The following MGAT4C variants were observed in gnomAD, a reference collection of about 807,000 sequenced individuals.
The protein encoded by MGAT4C is alpha-1,3-mannosyl-glycoprotein 4-beta-N-acetylglucosaminyltransferase C.
MGAT4C carries 19 observed loss-of-function variants against 40.1 expected under a neutral mutation model. The observed-to-expected ratio is 0.47, with a 90% confidence interval of 0.33 to 0.70. The LOEUF (loss-of-function observed/expected upper bound fraction) is 0.70. Among genes scored for constraint, MGAT4C ranks in the 30% least tolerant of loss-of-function variants. MGAT4C has a pLI of 0.02. For synonymous variants in MGAT4C, 181 were observed against 187.1 expected, an observed-to-expected ratio of 0.97 and a Z score of 0.27; for missense variants, 491 against 563.2, an observed-to-expected ratio of 0.87 and a Z score of 1.30.
chr12:86,174,034 A>G (rs1887130060), intron 1 of MGAT4C, among the ~76,000 whole-genome samples: 1 of 151,820 alleles, frequency 6.6e-6, no homozygotes, highest in African/African-American at 2.4e-5. Context: ...GTAGCACAGT[A>G]TTTAGTAAAT....
intron 4 of MGAT4C, among the ~76,000 whole-genome samples, chr12:86,331,262 T>C (rs1954661710): frequency 6.6e-6 from 1 of 152,182 alleles, no homozygotes; most frequent in Non-Finnish European, 1.5e-5. Context: ...CCCTTGATTC[T>C]TCCCTTGGGG....
At chr12:86,485,580 A>G (rs1958006740) in intron 2 of MGAT4C, among the ~76,000 whole-genome samples, 1 of 152,198 alleles carries the variant, frequency 6.6e-6, no homozygotes, top group Admixed American at 6.5e-5. Flanking sequence ...ATATGGGACT[A>G]TGTAAAGAAA....
intron 2 of MGAT4C, among the ~76,000 whole-genome samples, chr12:86,587,406 T>C (rs1961099779): frequency 6.6e-6 from 1 of 152,170 alleles, no homozygotes; most frequent in African/African-American, 2.4e-5. Flanking sequence ...AGCTTTGTTC[T>C]TTTGGCTTAG....
chr12:86,294,059 G>A (rs1953598438), intron 4 of MGAT4C, among the ~76,000 whole-genome samples: 1 of 151,822 alleles, frequency 6.6e-6, no homozygotes, highest in Non-Finnish European at 1.5e-5. Flanking sequence ...TGCACACAAA[G>A]ATCATGACAA....
chr12:86,075,736 G>T (rs947380384), intron 1 of MGAT4C, among the ~76,000 whole-genome samples: 1 of 152,200 alleles, frequency 6.6e-6, no homozygotes, highest in Non-Finnish European at 1.5e-5. Context: ...AGCACCACGT[G>T]CAGGCTTGGG....
intron 1 of MGAT4C, among the ~76,000 whole-genome samples, chr12:86,774,208 C>A (rs1261554259): frequency 6.6e-6 from 1 of 151,928 alleles, no homozygotes; most frequent in Admixed American, 6.6e-5. Flanking sequence ...TCCACCTGGC[C>A]TCCTAAAGTG....
intron 1 of MGAT4C, among the ~76,000 whole-genome samples, chr12:86,077,544 T>G (rs778803122): frequency 6.6e-6 from 1 of 152,220 alleles, no homozygotes; most frequent in Non-Finnish European, 1.5e-5. Context: ...TGCTCCTCAC[T>G]TCTGCAGCTG....
At chr12:86,774,323 C>CTTTCTTTCTTTCTTTCTTTCTTTCTTTCT (rs1192479432) in intron 1 of MGAT4C, among the ~76,000 whole-genome samples, 11 of 97,146 alleles carry the variant, frequency 1.1e-4, no homozygotes, top group East Asian at 3.3e-4. Flanking sequence ...TTCTTTCTTT[C>CTTTCTTTCTTTCTTTCTTTCTTTCTTTCT]TTTCTTTCTT....
intron 4 of MGAT4C, among the ~76,000 whole-genome samples, chr12:86,321,750 T>C (rs1389204049): frequency 1.3e-5 from 2 of 152,134 alleles, no homozygotes; most frequent in Middle Eastern, 3.4e-3. Context: ...TGTGGAGAAA[T>C]AGGAACACTT....
intron 1 of MGAT4C, among the ~76,000 whole-genome samples, chr12:86,119,065 G>C (rs888335558): frequency 3.3e-5 from 5 of 152,058 alleles, no homozygotes; most frequent in East Asian, 1.9e-4. Flanking sequence ...GAACTCAAGA[G>C]AGCCTAATTT....
chr12:86,040,968 C>T (rs376044779), intron 2 of MGAT4C, among the ~76,000 whole-genome samples: 4 of 152,048 alleles, frequency 2.6e-5, no homozygotes, highest in African/African-American at 4.8e-5. Context: ...CCAGGTGAGG[C>T]GACGCCCCAC....
chr12:86,774,315 C>CTTTCTTTCTTTCTTTCTCTTTCTT (rs1951700308), intron 1 of MGAT4C, among the ~76,000 whole-genome samples: 1 of 59,328 alleles, frequency 1.7e-5, no homozygotes, highest in South Asian at 7.0e-4. Context: ...TTCTTTCTTT[C>CTTTCTTTCTTTCTTTCTCTTTCTT]TTTCTTTCTT....
chr12:86,205,588 G>A (rs1950219448), intron 1 of MGAT4C, among the ~76,000 whole-genome samples: 1 of 151,516 alleles, frequency 6.6e-6, no homozygotes, highest in Non-Finnish European at 1.5e-5. Context: ...AAATATTATA[G>A]CTATTAGTAT....
intron 1 of MGAT4C, among the ~76,000 whole-genome samples, chr12:86,066,949 A>C (rs1894601737): frequency 6.6e-6 from 1 of 152,234 alleles, no homozygotes; most frequent in South Asian, 2.1e-4. Flanking sequence ...CTAAAAATAA[A>C]GGAAAAAAAG....
intron 2 of MGAT4C, among the ~76,000 whole-genome samples, chr12:86,689,946 G>C (rs1387353279): frequency 6.6e-6 from 1 of 152,194 alleles, no homozygotes; most frequent in Non-Finnish European, 1.5e-5. Flanking sequence ...TCTGTCCCAG[G>C]GGGATGGGAG....
intron 2 of MGAT4C, among the ~76,000 whole-genome samples, chr12:86,569,144 A>G (rs1441010128): frequency 5.3e-5 from 8 of 152,080 alleles, no homozygotes; most frequent in Admixed American, 4.6e-4. Flanking sequence ...TATGACTAAG[A>G]CATCAGATTC....
intron 2 of MGAT4C, among the ~76,000 whole-genome samples, chr12:86,019,781 C>G (rs1277488402): frequency 6.6e-6 from 1 of 152,192 alleles, no homozygotes; most frequent in East Asian, 1.9e-4. Flanking sequence ...TTACCTTGGG[C>G]AGTATGGCCA....
intron 1 of MGAT4C, among the ~76,000 whole-genome samples, chr12:86,146,537 T>G (rs1008958517): frequency 6.6e-6 from 1 of 152,112 alleles, no homozygotes; most frequent in African/African-American, 2.4e-5. Flanking sequence ...CTTTTCCGTG[T>G]TCTCTTATTC....
At chr12:86,684,523 T>G (rs377299369) in intron 2 of MGAT4C, among the ~76,000 whole-genome samples, 3 of 152,324 alleles carry the variant, frequency 2.0e-5, no homozygotes, top group South Asian at 4.1e-4. Context: ...ACAGAATGAT[T>G]TATAATCCCT....
Sources: allele counts gnomAD v4.1 joint callset (sites outside exome capture counted in the v4.1 genomes callset), GRCh38; gene constraint gnomAD v4.1.1; transcripts MANE v1.5; gene names NCBI Gene and HGNC (gene_info 2026-07-23, HGNC 2026-07-21).